SUPT3H: variants seen among roughly 807,000 people sequenced by gnomAD.
The protein encoded by SUPT3H is SPT3 homolog, SAGA and STAGA complex component.
A neutral mutation model predicts 44.3 loss-of-function variants in SUPT3H; 44 were observed. That is an observed-to-expected ratio of 0.99 (90% CI 0.78 to 1.28). The LOEUF (loss-of-function observed/expected upper bound fraction) is 1.28. SUPT3H is among the 50% of genes most tolerant of loss of function. The pLI is 0.00. For synonymous variants in SUPT3H, 124 were observed against 125.6 expected (o/e 0.99, Z 0.09); for missense variants, 380 against 387.1 (o/e 0.98, Z 0.15).
At position 45,022,727 on chromosome 6, in the gene SUPT3H, C is replaced by T. The variant is rs141688013; in HGVS notation, c.187-2095G>A. On this transcript the variant is annotated intron_variant, in intron 3 of 10. Transcript: ENST00000371459. ...CAAAATTACCTCTCCCAAACTCTGA[C>T]CTCCTCTTCTCTACCAAGTGAAGAC... is the stretch of plus-strand genomic sequence containing the variant. Among the ~76,000 whole-genome samples, 39 of 152,028 alleles carry T rather than the reference C, an allele frequency of 2.6e-4. 2 individuals are homozygous for T. Among genetic ancestry groups the T allele is most frequent in the African/African-American group, 7.7e-4 (32 of 41,476 alleles).
chr6:45,359,813 G>A (rs1793922986), intron 2 of SUPT3H, among the ~76,000 whole-genome samples: 1 of 152,164 alleles, frequency 6.6e-6, no homozygotes, highest in African/African-American at 2.4e-5. Context: ...GGAGGCCAAG[G>A]TGGGAGGATC....
At chr6:45,257,232 G>A (rs559435444) in intron 2 of SUPT3H, among the ~76,000 whole-genome samples, 4 of 152,102 alleles carry the variant, frequency 2.6e-5, no homozygotes, top group African/African-American at 7.2e-5. Flanking sequence ...ATTTGAATAT[G>A]AGCCCCATTT....
intron 2 of SUPT3H, among the ~76,000 whole-genome samples, chr6:45,309,677 G>C (rs116619920): frequency 0.035 from 5,368 of 152,058 alleles, 142 homozygotes; most frequent in Admixed American, 0.075. Flanking sequence ...ATCCAAACAA[G>C]AATAGACGAA....
At chr6:45,080,957 A>AG (rs1274985531) in intron 3 of SUPT3H, among the ~76,000 whole-genome samples, 1 of 152,024 alleles carries the variant, frequency 6.6e-6, no homozygotes, top group East Asian at 1.9e-4. Context: ...CAAATGCTTG[A>AG]GGTGATGGAT....
At chr6:45,125,189 C>A (rs956522840) in intron 2 of SUPT3H, among the ~76,000 whole-genome samples, 10 of 152,130 alleles carry the variant, frequency 6.6e-5, no homozygotes, top group African/African-American at 2.2e-4. Context: ...CCCTAGGAAA[C>A]AAATACACAA....
chr6:45,184,775 G>A (rs1813878960), intron 2 of SUPT3H, among the ~76,000 whole-genome samples: 6 of 128,582 alleles, frequency 4.7e-5, no homozygotes, highest in African/African-American at 1.8e-4. Flanking sequence ...ACAGGCAGAG[G>A]AAAAAAAAAA....
chr6:44,959,243 A>T (rs1362107232), intron 7 of SUPT3H, among the ~76,000 whole-genome samples: 1 of 152,196 alleles, frequency 6.6e-6, no homozygotes, highest in Non-Finnish European at 1.5e-5. Flanking sequence ...CAAAAAAAAG[A>T]TAGCAACTGA....
intron 6 of SUPT3H, among the ~76,000 whole-genome samples, chr6:44,976,364 C>CTTTTTTTTT (rs34713610): frequency 6.8e-6 from 1 of 147,386 alleles, no homozygotes; most frequent in Non-Finnish European, 1.5e-5. Flanking sequence ...AAATTAATGT[C>CTTTTTTTTT]TTTTTTTTTT....
chr6:45,079,076 C>T (rs531993626), intron 3 of SUPT3H, among the ~76,000 whole-genome samples: 7 of 152,112 alleles, frequency 4.6e-5, no homozygotes, highest in Admixed American at 2.0e-4. Flanking sequence ...TTTGGGAGGC[C>T]GAGGCTGGTG....
At chr6:44,919,509 C>G (rs554062394) in intron 10 of SUPT3H, among the ~76,000 whole-genome samples, 17 of 151,622 alleles carry the variant, frequency 1.1e-4, no homozygotes, top group Non-Finnish European at 2.1e-4. Flanking sequence ...GAGCTACCCC[C>G]ACCCTTAACC....
intron 10 of SUPT3H, among the ~76,000 whole-genome samples, chr6:44,831,207 G>T (rs950355808): frequency 6.6e-6 from 1 of 152,180 alleles, no homozygotes; most frequent in Non-Finnish European, 1.5e-5. Context: ...CTGCTATGCA[G>T]TTCACTCCAG....
intron 6 of SUPT3H, among the ~76,000 whole-genome samples, chr6:44,992,068 T>C (rs1780687551): frequency 6.6e-6 from 1 of 152,184 alleles, no homozygotes; most frequent in Admixed American, 6.5e-5. Context: ...ATTTGAGAAC[T>C]ATAAACATTA....
intron 2 of SUPT3H, among the ~76,000 whole-genome samples, chr6:45,279,500 C>T (rs1027748493): frequency 6.6e-6 from 1 of 152,048 alleles, no homozygotes; most frequent in Non-Finnish European, 1.5e-5. Flanking sequence ...TAAGTTCTGC[C>T]AAGATCTGAT....
intron 5 of SUPT3H, among the ~76,000 whole-genome samples, chr6:45,013,796 G>C (rs1001387955): frequency 1.3e-5 from 2 of 152,066 alleles, no homozygotes; most frequent in Non-Finnish European, 2.9e-5. Flanking sequence ...TGTTGCCCTA[G>C]AATAAGAACT....
chr6:45,014,501 C>A (rs1360198), intron 5 of SUPT3H, among the ~76,000 whole-genome samples: 149,121 of 152,222 alleles, frequency 0.98, 73,055 homozygotes, highest in Middle Eastern at 1. Flanking sequence ...ATTGGAATTC[C>A]GGTCTGTTTT....
intron 2 of SUPT3H, among the ~76,000 whole-genome samples, chr6:45,175,898 G>C (rs1344984189): frequency 6.6e-6 from 1 of 152,130 alleles, no homozygotes; most frequent in Non-Finnish European, 1.5e-5. Flanking sequence ...TGCTAGACTG[G>C]CTGATTTCCT....
chr6:45,022,256 CTAAA>C (rs1232604803), intron 3 of SUPT3H, among the ~76,000 whole-genome samples: 11 of 151,926 alleles, frequency 7.2e-5, no homozygotes, highest in Non-Finnish European at 1.2e-4. Flanking sequence ...ATATGTATCC[CTAAA>C]TAGTTTTCTC....
At chr6:44,969,829 G>GCA (rs1160423404) in intron 6 of SUPT3H, among the ~76,000 whole-genome samples, 2 of 152,052 alleles carry the variant, frequency 1.3e-5, no homozygotes, top group Non-Finnish European at 2.9e-5. Context: ...CCCCAGAGTG[G>GCA]CATTCATAAT....
At chr6:45,131,560 T>C (rs1484939973) in intron 2 of SUPT3H, among the ~76,000 whole-genome samples, 1 of 152,108 alleles carries the variant, frequency 6.6e-6, no homozygotes, top group East Asian at 1.9e-4. Flanking sequence ...TATGTGCCAG[T>C]TTTGATAAAG....
Sources: gnomAD v4.1 joint callset for allele counts (sites outside exome capture counted in the v4.1 genomes callset) on GRCh38, gnomAD v4.1.1 for gene constraint, MANE v1.5 for transcripts, NCBI Gene and HGNC (gene_info 2026-07-23, HGNC 2026-07-21) for gene names.